Variants in CC2D1A observed in about 807,000 individuals in gnomAD.
The protein encoded by CC2D1A is coiled-coil and C2 domain containing 1A.
CC2D1A carries 68 observed loss-of-function variants against 123.8 expected under a neutral mutation model. That is an observed-to-expected ratio of 0.55 (90% CI 0.45 to 0.67). The LOEUF (loss-of-function observed/expected upper bound fraction) is 0.67, where lower values mean the gene tolerates loss of function less well. CC2D1A is among the 30% of genes least tolerant of loss of function. CC2D1A has a pLI of 0.00. For synonymous variants in CC2D1A, 477 were observed against 528.0 expected (o/e 0.90, Z 1.32); for missense variants, 1,185 against 1,290.3 (o/e 0.92, Z 1.25).
At chr19:13,929,480 T>C (rs1440557412) in intron 25 of CC2D1A, 38 bp downstream of exon 25, 3 of 1,612,598 alleles carry the variant, frequency 1.9e-6, no homozygotes, top group Non-Finnish European at 2.5e-6. Flanking sequence ...GGGGCAGGAC[T>C]GGGGAGTCTG....
chr19:13,911,547 T>G (rs28558095), intron 2 of CC2D1A, among the ~76,000 whole-genome samples: 146 of 113,120 alleles, frequency 1.3e-3, no homozygotes, highest in Non-Finnish European at 1.6e-3. Context: ...GTGTGTGTGT[T>G]TTTTTTTTTT....
Position 13,926,518 on chromosome 19 carries a change from A to G in CC2D1A, c.1942A>G (p.Ile648Val). Reference sequence around the variant, plus strand: ...CCTGCCCACCTGCCCACCCGGAAGGATCTTCCCTGACCTCAGCAGCAACGA... The same window carrying G: ...CCTGCCCACCTGCCCACCCGGAAGGGTCTTCCCTGACCTCAGCAGCAACGA... ...FEQRTFSVIK[I>V]FPDLSSNDML... The change falls in exon 18 of 29, where the codon ATC becomes GTC. Residue 648 changes from isoleucine (I) to valine (V), a missense_variant and splice_region_variant. Physicochemically the swap from Ile to Val is conservative, Grantham distance 29. Coordinates refer to ENST00000318003, the MANE Select transcript of CC2D1A (RefSeq NM_017721.5). 6.2e-7 allele frequency: 1 copy of G among 1,613,880 alleles called. No homozygotes were observed. The highest frequency in any genetic ancestry group is 8.5e-7 in the Non-Finnish European group (1 of 1,179,916).
At chr19:13,922,413 C>T (rs1971440888) in intron 14 of CC2D1A, among the ~76,000 whole-genome samples, 3 of 152,204 alleles carry the variant, frequency 2.0e-5, no homozygotes, top group Admixed American at 2.0e-4. Flanking sequence ...GTTCCCACTG[C>T]CTGAATGCTT....
At chr19:13,922,581 A>G (rs886437055) in intron 14 of CC2D1A, among the ~76,000 whole-genome samples, 1 of 152,032 alleles carries the variant, frequency 6.6e-6, no homozygotes, top group Non-Finnish European at 1.5e-5. Context: ...TGTGGCATGT[A>G]TCACCTTCTA....
chr19:13,909,304 A>C (rs944910756), intron 1 of CC2D1A, among the ~76,000 whole-genome samples: 3 of 151,756 alleles, frequency 2.0e-5, no homozygotes. Flanking sequence ...TGAACCCCGG[A>C]GGCGGAGGTT....
In CC2D1A at chr19:13,930,511, T is replaced by G. The variant is rs758820412; in HGVS notation, c.*116T>G. 4 of 1,222,548 alleles carry G rather than the reference T, an allele frequency of 3.3e-6. No homozygotes were observed. Among genetic ancestry groups the G allele is most frequent in the Non-Finnish European group, 4.4e-6 (4 of 901,180 alleles). 75.7% of individuals were successfully genotyped at this position (1,222,548 alleles called of 1,614,324 possible). A position where few individuals can be genotyped will look rare whatever the true frequency, so the allele number is the denominator to read the frequency against. ...AATCAGCGGACAATCGGTTCTGGAC[T>G]CACCCCTCATCCGGGCCCCCAGCCC... On this transcript the variant is annotated 3_prime_UTR_variant, in exon 29 of 29. Transcript: ENST00000318003. This position sits in a 1 kb window ranked among gnomAD's most constrained non-coding sequence, Gnocchi z 6.8.
rs1347832922 is a variant in CC2D1A at position 13,927,137 on chromosome 19, C to T, written c.2226-38C>T. On this transcript the variant is annotated intron_variant, in intron 21 of 28. Coordinates refer to ENST00000318003, the MANE Select transcript of CC2D1A (RefSeq NM_017721.5). ...TCCAGGGGAGGGGAGCTCCTCTGAA[C>T]CAACCATCCTGTCCCCACTATACAC... 43 of 1,610,826 alleles carry T rather than the reference C, an allele frequency of 2.7e-5. No individual in the cohort carries two copies. In the East Asian group the frequency reaches 9.6e-4, roughly 36 times the overall value.
Position 13,913,227 on chromosome 19 carries a change from C to T in CC2D1A, c.438C>T (p.Leu146=), listed in dbSNP as rs1568406269. 6.2e-7 allele frequency: 1 copy of T among 1,613,554 alleles called. No individual in the cohort carries two copies. Among genetic ancestry groups the T allele is most frequent in the Non-Finnish European group, 8.5e-7 (1 of 1,179,902 alleles). ...LETTLQERLA[L]YQTAIESARQ... is the part of the protein sequence containing the mutation. ...CCACCTTGCAGGAGAGGCTGGCGCT[C>T]TATCAGACAGCAATTGAAAGCGCCA... Residue 146 remains leucine (L), a synonymous_variant, in exon 5 of 29, where the codon CTC becomes CTT. Transcript: ENST00000318003.
rs776311193 is a variant in CC2D1A, at chr19:13,920,786, A to C, written c.1505A>C (p.Lys502Thr). 4 of 1,614,026 alleles carry C rather than the reference A, an allele frequency of 2.5e-6. No individual in the cohort carries two copies. In the South Asian group the frequency reaches 4.4e-5, roughly 18 times the overall value. The change falls in exon 14 of 29, where the codon AAG becomes ACG. Residue 502 changes from lysine (K) to threonine (T), a missense_variant. Transcript: ENST00000318003. ...QQLAFLEGRK[K>T]QLLQAALRAK... ...CTGGCCTTCCTAGAGGGCCGCAAGA[A>C]GCAGCTCCTGCAGGCCGCACTGCGA...
chr19:13,927,940 C>T lies in CC2D1A; in HGVS notation c.2364C>T (p.Val788=), dbSNP rs868806752. ...CAGGGGGGCGACTGGAGGTAATGGT[C>T]CGGATTCGGGAGCCACTGACAGCCC... ...RPTGGRLEVM[V]RIREPLTAQQ... is the part of the protein sequence containing the mutation. Residue 788 remains valine (V), a synonymous_variant, in exon 23 of 29, where the codon GTC becomes GTT. Coordinates refer to ENST00000318003, the MANE Select transcript of CC2D1A (RefSeq NM_017721.5). 6.2e-7 allele frequency: 1 copy of T among 1,613,572 alleles called. No homozygotes were observed.
In CC2D1A at chr19:13,923,749, C is replaced by T; in HGVS notation, c.1878C>T (p.Ala626=). Residue 626 remains alanine (A), a synonymous_variant, in exon 17 of 29, where the codon GCC becomes GCT. Coordinates refer to ENST00000318003, the MANE Select transcript of CC2D1A (RefSeq NM_017721.5). The surrounding 1 kb of genome is among the most constrained non-coding windows in gnomAD (Gnocchi z 5.3). ...CKRSMDILKQ[A]FVRGLPTPTA... ...GGAGCATGGACATTCTGAAGCAAGC[C>T]TTCGTCCGGGGTCTCCCCACGCCCA... 6.2e-7 allele frequency: 1 copy of T among 1,614,202 alleles called. No homozygotes were observed. Among genetic ancestry groups the T allele is most frequent in the Non-Finnish European group, 8.5e-7 (1 of 1,180,032 alleles).
rs779898425 is a variant in CC2D1A at position 13,930,372 on chromosome 19, C to G, written c.2836-3C>G. ...ATGACCCCAGTGGCCTCCTCTCCCC[C>G]AGCTGCAGCGGCTCCGCAGGTGAGG... On this transcript the variant is annotated splice_polypyrimidine_tract_variant and splice_region_variant and intron_variant, in intron 28 of 28. Coordinates refer to ENST00000318003, the MANE Select transcript of CC2D1A (RefSeq NM_017721.5). This position sits in a 1 kb window ranked among gnomAD's most constrained non-coding sequence, Gnocchi z 6.8. 4.3e-6 allele frequency: 7 copies of G among 1,613,298 alleles called. No homozygotes were observed. Among genetic ancestry groups the G allele is most frequent in the Non-Finnish European group, 5.9e-6 (7 of 1,179,534 alleles).
rs763873575 is a variant in CC2D1A at position 13,929,372 on chromosome 19, C to T, written c.2520-7C>T. The T allele has an allele frequency of 2.5e-6, 4 of 1,613,508 alleles. No individual in the cohort carries two copies. Among genetic ancestry groups the T allele is most frequent in the Admixed American group, 3.3e-5 (2 of 59,982 alleles). ...CTGCAGTCCCTTATCCTTCCTCCACCCCTTAGATCAGCCCGGCCCCTGCAT... is the reference window on the plus strand; with the variant it reads ...CTGCAGTCCCTTATCCTTCCTCCACTCCTTAGATCAGCCCGGCCCCTGCAT... On this transcript the variant is annotated splice_region_variant and splice_polypyrimidine_tract_variant and intron_variant, in intron 24 of 28. Transcript: ENST00000318003.
At chr19:13,919,281 A>G (rs992086199) in intron 11 of CC2D1A, 79 bp downstream of exon 11, 5 of 1,137,980 alleles carry the variant, frequency 4.4e-6, no homozygotes, top group Non-Finnish European at 6.2e-6. Context: ...CGCCGCTGGC[A>G]GGCTGTGCCC....
chr19:13,923,756 C>T lies in CC2D1A; in HGVS notation c.1885C>T (p.Arg629Trp), dbSNP rs143000486. The change falls in exon 17 of 29, where the codon CGG becomes TGG. Residue 629 changes from arginine to tryptophan, a missense_variant. By Grantham distance (101) the Arg-to-Trp change is moderately radical. Transcript: ENST00000318003. The surrounding 1 kb of genome is among the most constrained non-coding windows in gnomAD (Gnocchi z 5.3). ...SMDILKQAFV[R>W]GLPTPTARFE... ...GGACATTCTGAAGCAAGCCTTCGTC[C>T]GGGGTCTCCCCACGCCCACCGCCCG... 130 of 1,614,124 alleles carry T rather than the reference C, an allele frequency of 8.1e-5. No individual in the cohort carries two copies. Among genetic ancestry groups the T allele is most frequent in the Middle Eastern group, 1.7e-4 (1 of 6,058 alleles).
Position 13,929,227 on chromosome 19 carries a change from G to A in CC2D1A, c.2520-152G>A, listed in dbSNP as rs182177961. 565 of 743,418 alleles carry A rather than the reference G, an allele frequency of 7.6e-4. 2 individuals carry two copies. In the African/African-American group the frequency reaches 8.7e-3, roughly 11 times the overall value. 46.1% of individuals were successfully genotyped at this position (743,418 alleles called of 1,614,324 possible). ...TCACCATATTGGCCAGGCTGGTCTC[G>A]AACTCCTGACCTCATGATCCACTCA... is the stretch of plus-strand genomic sequence containing the variant. On this transcript the variant is annotated intron_variant, in intron 24 of 28. Transcript: ENST00000318003.
chr19:13,920,739 T>G lies in CC2D1A; in HGVS notation c.1469-11T>G, dbSNP rs1371667802. 6 of 1,612,856 alleles carry G rather than the reference T, an allele frequency of 3.7e-6. 1 individual carries two copies. The African/African-American group carries it at 4.0e-5, about 11-fold the overall frequency. On this transcript the variant is annotated splice_polypyrimidine_tract_variant and intron_variant, in intron 13 of 28. Coordinates refer to ENST00000318003, the MANE Select transcript of CC2D1A (RefSeq NM_017721.5). Reference sequence around the variant, plus strand: ...CCTGGGCAGCACCCATAGCAGCTCCTATGCCCACAGCCCAGCAGCAGCTGG... The same window carrying G: ...CCTGGGCAGCACCCATAGCAGCTCCGATGCCCACAGCCCAGCAGCAGCTGG...
chr19:13,930,380 G>C lies in CC2D1A; in HGVS notation c.2841G>C (p.Gln947His), dbSNP rs1452539478. 1 of 1,613,008 alleles carries C rather than the reference G, an allele frequency of 6.2e-7. No homozygotes were observed. Residue 947 changes from glutamine to histidine, a missense_variant, in exon 29 of 29, where the codon CAG becomes CAC. Transcript: ENST00000318003. This position sits in a 1 kb window ranked among gnomAD's most constrained non-coding sequence, Gnocchi z 6.8. ...YRRNLVESEL[Q>H]RLRR Reference sequence around the variant, plus strand: ...AGTGGCCTCCTCTCCCCCAGCTGCAGCGGCTCCGCAGGTGAGGAGCCCATG... The same window carrying C: ...AGTGGCCTCCTCTCCCCCAGCTGCACCGGCTCCGCAGGTGAGGAGCCCATG...
Position 13,930,696 on chromosome 19 carries a change from G to A in CC2D1A, c.*301G>A. On this transcript the variant is annotated 3_prime_UTR_variant, in exon 29 of 29. Coordinates refer to ENST00000318003, the MANE Select transcript of CC2D1A (RefSeq NM_017721.5). This position sits in a 1 kb window ranked among gnomAD's most constrained non-coding sequence, Gnocchi z 6.8. ...GAGCAGGGAGGGTGGCTGGGGCCAA[G>A]CCCCGAGGGCCCCTGCAAGCACTTT... The A allele has an allele frequency of 2.1e-6, 1 of 483,256 alleles. No individual in the cohort carries two copies. The highest frequency in any genetic ancestry group is 3.6e-6 in the Non-Finnish European group (1 of 274,622). The allele number at this position is 483,256 out of a possible 1,614,324, so 29.9% of individuals were successfully genotyped here.
Sources: allele counts gnomAD v4.1 joint callset (sites outside exome capture counted in the v4.1 genomes callset), GRCh38; gene constraint gnomAD v4.1.1; non-coding constraint Gnocchi (gnomAD v3.1); transcripts MANE v1.5; gene names NCBI Gene and HGNC (gene_info 2026-07-23, HGNC 2026-07-21).